RAB31: variants seen among roughly 807,000 people sequenced by gnomAD.
The protein encoded by RAB31 is RAB31, member RAS oncogene family.
A neutral mutation model predicts 25.6 loss-of-function variants in RAB31; 21 were observed. The observed-to-expected ratio is 0.82, with a 90% CI of 0.58 to 1.18. The LOEUF (loss-of-function observed/expected upper bound fraction) is 1.18. Among genes scored for constraint, RAB31 ranks in the 50% most tolerant of loss-of-function variants. The pLI is 0.00. For synonymous variants in RAB31, 87 were observed against 84.0 expected (o/e 1.04, Z -0.20); for missense variants, 196 against 250.1 (o/e 0.78, Z 1.46).
At chr18:9,845,117 C>G (rs779227711) in intron 5 of RAB31, among the ~76,000 whole-genome samples, 1 of 152,190 alleles carries the variant, frequency 6.6e-6, no homozygotes, top group Non-Finnish European at 1.5e-5. Flanking sequence ...TAACCATGCT[C>G]GTTTCCAAAC....
chr18:9,816,125 T>G (rs78741579), intron 5 of RAB31: 10,747 of 136,160 alleles, frequency 0.079, 969 homozygotes, highest in East Asian at 0.53. Flanking sequence ...GTCATCCGTG[T>G]AGATGCTGTC....
chr18:9,860,276 A>G lies in RAB31; in HGVS notation c.*951A>G, dbSNP rs909132267. 6.6e-6 allele frequency: 1 copy of G among 152,252 alleles called. No homozygotes were observed. The highest frequency in any genetic ancestry group is 2.4e-5 in the African/African-American group (1 of 41,468). The allele number at this position is 152,252 out of a possible 1,614,324, so 9.4% of individuals were successfully genotyped here. ...TAAATCATTGGGCAAACTTCTAATA[A>G]TAACAATTAATAATAGGTTACAGGA... On this transcript the variant is annotated 3_prime_UTR_variant, in exon 7 of 7. Coordinates refer to ENST00000578921, the MANE Select transcript of RAB31 (RefSeq NM_006868.4).
chr18:9,730,915 G>T (rs1393042745), intron 1 of RAB31, among the ~76,000 whole-genome samples: 1 of 152,176 alleles, frequency 6.6e-6, no homozygotes, highest in East Asian at 1.9e-4. Context: ...GAGGGAAGAG[G>T]TCTCAGTGTT....
At chr18:9,734,186 G>T (rs562743618) in intron 1 of RAB31, among the ~76,000 whole-genome samples, 8 of 152,016 alleles carry the variant, frequency 5.3e-5, no homozygotes, top group Non-Finnish European at 8.8e-5. Context: ...AGTATCTATC[G>T]CACTCTATAT....
chr18:9,795,063 A>G (rs1188255428), intron 3 of RAB31, among the ~76,000 whole-genome samples: 1 of 152,218 alleles, frequency 6.6e-6, no homozygotes, highest in East Asian at 1.9e-4. Flanking sequence ...AATGGAACAG[A>G]ATAAAGAACC....
chr18:9,712,872 G>A (rs187468568), intron 1 of RAB31, among the ~76,000 whole-genome samples: 8 of 152,320 alleles, frequency 5.3e-5, no homozygotes, highest in East Asian at 3.9e-4. Context: ...TAAAAGAGCC[G>A]ATGGCTTCCC....
chr18:9,857,793 C>G (rs1308440262), intron 6 of RAB31, among the ~76,000 whole-genome samples: 1 of 150,086 alleles, frequency 6.7e-6, no homozygotes. Flanking sequence ...TTTAGGAGAC[C>G]AAGGTGAGAG....
chr18:9,758,851 C>A (rs1599026940), intron 1 of RAB31, among the ~76,000 whole-genome samples: 1 of 152,026 alleles, frequency 6.6e-6, no homozygotes, highest in South Asian at 2.1e-4. Flanking sequence ...CAAAAATGAC[C>A]ACCGCTGCCG....
At chr18:9,855,561 G>C (rs755497526) in intron 6 of RAB31, among the ~76,000 whole-genome samples, 1 of 152,188 alleles carries the variant, frequency 6.6e-6, no homozygotes, top group Non-Finnish European at 1.5e-5. Flanking sequence ...TAAGTGCCTT[G>C]AACCTTCCGG....
chr18:9,728,797 G>A (rs190100589), intron 1 of RAB31, among the ~76,000 whole-genome samples: 32 of 152,148 alleles, frequency 2.1e-4, no homozygotes, highest in African/African-American at 6.3e-4. Context: ...CCTTGGCTTC[G>A]CTAAGTGCTG....
chr18:9,774,516 C>A (rs988480164), intron 1 of RAB31, among the ~76,000 whole-genome samples: 6 of 152,206 alleles, frequency 3.9e-5, no homozygotes, highest in African/African-American at 1.4e-4. Flanking sequence ...TCAGCTTCTT[C>A]ATTCTCAGGG....
At chr18:9,843,398 T>C (rs984600877) in intron 5 of RAB31, among the ~76,000 whole-genome samples, 1 of 151,778 alleles carries the variant, frequency 6.6e-6, no homozygotes, top group African/African-American at 2.4e-5. Flanking sequence ...ATACAAAAAT[T>C]AGCCAGGTGT....
At chr18:9,783,187 T>C (rs561070568) in intron 2 of RAB31, among the ~76,000 whole-genome samples, 1 of 152,312 alleles carries the variant, frequency 6.6e-6, no homozygotes, top group Non-Finnish European at 1.5e-5. Context: ...TTTCCCTATA[T>C]GTCCCTACAA....
chr18:9,812,228 A>C (rs549388192), intron 3 of RAB31, among the ~76,000 whole-genome samples: 3 of 152,204 alleles, frequency 2.0e-5, no homozygotes, highest in Admixed American at 6.5e-5. Context: ...CATGGATTTT[A>C]GGGGAGACAC....
rs531902698 is a variant in RAB31, at chr18:9,708,781, C to A, written c.39+337C>A. Among the ~76,000 whole-genome samples the A allele has an allele frequency of 6.6e-6, 1 of 152,136 alleles. No individual in the cohort carries two copies. Among genetic ancestry groups the A allele is most frequent in the Non-Finnish European group, 1.5e-5 (1 of 68,018 alleles). On this transcript the variant is annotated intron_variant, in intron 1 of 6. Coordinates refer to ENST00000578921, the MANE Select transcript of RAB31 (RefSeq NM_006868.4). This position sits in a 1 kb window ranked among gnomAD's most constrained non-coding sequence, Gnocchi z 6.4. ...CTTACTCCGCTCTTTCCTCCCGGCCCGCGAGTCCCCGGATCCGCGGCGACC... is the reference window on the plus strand; with the variant it reads ...CTTACTCCGCTCTTTCCTCCCGGCCAGCGAGTCCCCGGATCCGCGGCGACC...
chr18:9,804,985 T>C (rs2068532689), intron 3 of RAB31, among the ~76,000 whole-genome samples: 1 of 152,088 alleles, frequency 6.6e-6, no homozygotes, highest in Non-Finnish European at 1.5e-5. Flanking sequence ...CAGAAATGGG[T>C]CTCATGCCTG....
chr18:9,813,321 G>A (rs1024629437), intron 3 of RAB31, among the ~76,000 whole-genome samples: 3 of 152,158 alleles, frequency 2.0e-5, no homozygotes, highest in Non-Finnish European at 4.4e-5. Context: ...CTTTGCCAGT[G>A]TTCCCTTTCC....
intron 3 of RAB31, among the ~76,000 whole-genome samples, chr18:9,807,159 G>A (rs1220082324): frequency 6.6e-6 from 1 of 152,210 alleles, no homozygotes; most frequent in Non-Finnish European, 1.5e-5. Flanking sequence ...ACACAGCAAA[G>A]TGCAGAGTCT....
intron 1 of RAB31, among the ~76,000 whole-genome samples, chr18:9,709,267 G>A (rs1367064609): frequency 6.6e-6 from 1 of 152,158 alleles, no homozygotes; most frequent in African/African-American, 2.4e-5. Flanking sequence ...AACCGCCCCT[G>A]GGAATTCAGA....
Sources: allele counts gnomAD v4.1 joint callset (sites outside exome capture counted in the v4.1 genomes callset), GRCh38; gene constraint gnomAD v4.1.1; non-coding constraint Gnocchi (gnomAD v3.1); transcripts MANE v1.5; gene names NCBI Gene and HGNC (gene_info 2026-07-23, HGNC 2026-07-21).